Variants in RALYL observed in about 807,000 individuals in gnomAD.
RALYL encodes the protein RNA-binding Raly-like protein.
In RALYL, 29 loss-of-function variants were observed where a neutral mutation model predicts 35.1. The observed-to-expected ratio is 0.83, with a 90% CI of 0.61 to 1.13. The LOEUF (loss-of-function observed/expected upper bound fraction) is 1.13, where lower values mean the gene tolerates loss of function less well. RALYL is among the 50% of genes most tolerant of loss of function. RALYL has a pLI of 0.00. For synonymous variants in RALYL, 120 were observed against 127.6 expected (o/e 0.94, Z 0.40); for missense variants, 359 against 360.4 (o/e 1.00, Z 0.03).
intron 2 of RALYL, among the ~76,000 whole-genome samples, chr8:84,731,138 A>G (rs1312887656): frequency 6.6e-6 from 1 of 152,138 alleles, no homozygotes; most frequent in Non-Finnish European, 1.5e-5. Context: ...AACTCTATGC[A>G]TTAGATACTA....
rs539872142 is a variant in RALYL, at chr8:84,521,755, T to A, written c.-23-7544T>A. ...TATTGACTTACCAATATCCATTGAT[T>A]TCCAATTTTGTAGTTAAAATAACCA... On this transcript the variant is annotated intron_variant, in intron 1 of 8. Transcript: ENST00000521268. Among the ~76,000 whole-genome samples, 22 of 152,336 alleles carry A rather than the reference T, an allele frequency of 1.4e-4. No homozygotes were observed. In the South Asian group the frequency reaches 3.9e-3, roughly 27 times the overall value.
chr8:84,768,433 T>C (rs1814624203), intron 2 of RALYL, among the ~76,000 whole-genome samples: 1 of 152,164 alleles, frequency 6.6e-6, no homozygotes, highest in Non-Finnish European at 1.5e-5. Flanking sequence ...TGTACCCTCC[T>C]CCATGGAATC....
chr8:84,833,497 G>A (rs1400267619), intron 4 of RALYL, among the ~76,000 whole-genome samples: 1 of 151,892 alleles, frequency 6.6e-6, no homozygotes, highest in African/African-American at 2.4e-5. Flanking sequence ...AATTAGCCAG[G>A]TGTAGTGGCA....
chr8:84,692,630 T>C (rs1838292587), intron 2 of RALYL, among the ~76,000 whole-genome samples: 1 of 152,038 alleles, frequency 6.6e-6, no homozygotes, highest in Non-Finnish European at 1.5e-5. Context: ...TTCAACTATT[T>C]CTGGTATTCA....
chr8:84,602,865 A>G (rs1322842938), intron 2 of RALYL, among the ~76,000 whole-genome samples: 7 of 152,070 alleles, frequency 4.6e-5, no homozygotes, highest in Non-Finnish European at 8.8e-5. Context: ...AAGAAAATAG[A>G]TTTCTGTCTT....
At position 84,701,920 on chromosome 8, in the gene RALYL, G is replaced by A. The variant is rs536027456; in HGVS notation, c.257-72659G>A. On this transcript the variant is annotated intron_variant, in intron 2 of 8. Transcript: ENST00000521268. ...CCCTTCACCTCACATGGCATGTTATGTTGAACTGTCTCTGGAGAAATATTA... is the reference window on the plus strand; with the variant it reads ...CCCTTCACCTCACATGGCATGTTATATTGAACTGTCTCTGGAGAAATATTA... 2.6e-5 allele frequency among the ~76,000 whole-genome samples: 4 copies of A among 152,204 alleles called. No homozygotes were observed. In the East Asian group the frequency reaches 5.8e-4, roughly 22 times the overall value.
chr8:84,300,085 C>G (rs1280161163), intron 1 of RALYL, among the ~76,000 whole-genome samples: 1 of 152,022 alleles, frequency 6.6e-6, no homozygotes, highest in African/African-American at 2.4e-5. Context: ...GTGCTATAAA[C>G]TTTCCTCTTA....
At chr8:84,255,661 C>T (rs1283218939) in intron 1 of RALYL, among the ~76,000 whole-genome samples, 1 of 151,972 alleles carries the variant, frequency 6.6e-6, no homozygotes, top group African/African-American at 2.4e-5. Context: ...GTTTATCTTT[C>T]TATTCATCAA....
At chr8:84,466,779 C>T (rs1452511819) in intron 1 of RALYL, among the ~76,000 whole-genome samples, 1 of 150,596 alleles carries the variant, frequency 6.6e-6, no homozygotes, top group Admixed American at 6.6e-5. Flanking sequence ...GTCCTGGACT[C>T]TTTTGGTTGG....
chr8:84,840,205 A>G (rs1832915356), intron 4 of RALYL, among the ~76,000 whole-genome samples: 1 of 133,368 alleles, frequency 7.5e-6, no homozygotes. Flanking sequence ...ATGGCAAAGA[A>G]GTAAAAAACC....
rs1443074996 is a variant in RALYL at position 84,617,434 on chromosome 8, A to C, written c.256+87857A>C. 3.2e-4 allele frequency among the ~76,000 whole-genome samples: 47 copies of C among 147,726 alleles called. 1 individual carries two copies. Among genetic ancestry groups the C allele is most frequent in the Middle Eastern group, 6.9e-3 (2 of 288 alleles). ...ATAAGAATGCTTGTGATTTTTGTAC[A>C]CTGATTTTGTATCCTGAGACTTTGC... On this transcript the variant is annotated intron_variant, in intron 2 of 8. Transcript: ENST00000521268.
intron 1 of RALYL, among the ~76,000 whole-genome samples, chr8:84,403,522 C>CTT (rs2043136000): frequency 4.4e-4 from 23 of 52,142 alleles, no homozygotes; most frequent in African/African-American, 1.2e-3. Flanking sequence ...GTCTATATCT[C>CTT]TGTTTTTTTT....
intron 1 of RALYL, among the ~76,000 whole-genome samples, chr8:84,525,330 GT>G (rs2058797221): frequency 6.6e-6 from 1 of 151,970 alleles, no homozygotes; most frequent in South Asian, 2.1e-4. Context: ...TTGTTTTTTA[GT>G]TGTAACATTT....
chr8:84,485,285 C>A (rs373917080), intron 1 of RALYL, among the ~76,000 whole-genome samples: 1 of 152,084 alleles, frequency 6.6e-6, no homozygotes. Context: ...ACTCAATATG[C>A]CCAGTTTTAA....
At chr8:84,318,231 T>A (rs951148667) in intron 1 of RALYL, among the ~76,000 whole-genome samples, 1 of 152,198 alleles carries the variant, frequency 6.6e-6, no homozygotes, top group East Asian at 1.9e-4. Flanking sequence ...ACAAGCTGCA[T>A]GCCTGTGAGG....
chr8:84,218,659 T>C (rs1821431425), intron 1 of RALYL, among the ~76,000 whole-genome samples: 1 of 152,026 alleles, frequency 6.6e-6, no homozygotes, highest in African/African-American at 2.4e-5. Context: ...CCAACACTGA[T>C]TGGAATTAGG....
intron 2 of RALYL, among the ~76,000 whole-genome samples, chr8:84,727,843 T>C (rs1176822117): frequency 2.0e-5 from 3 of 152,088 alleles, no homozygotes; most frequent in Non-Finnish European, 2.9e-5. Flanking sequence ...ATGGTGTATA[T>C]GTGCCACATT....
chr8:84,738,013 A>G (rs1237317590), intron 2 of RALYL, among the ~76,000 whole-genome samples: 1 of 152,046 alleles, frequency 6.6e-6, no homozygotes, highest in Non-Finnish European at 1.5e-5. Flanking sequence ...ACATTGTACT[A>G]GGTGTTGGTG....
chr8:84,538,259 A>G (rs1345334850), intron 2 of RALYL, among the ~76,000 whole-genome samples: 1 of 152,182 alleles, frequency 6.6e-6, no homozygotes, highest in East Asian at 1.9e-4. Context: ...AGAGACTGTA[A>G]ATAATTTTTT....
Sources: allele counts gnomAD v4.1 joint callset (sites outside exome capture counted in the v4.1 genomes callset), GRCh38; gene constraint gnomAD v4.1.1; transcripts MANE v1.5; gene names NCBI Gene and HGNC (gene_info 2026-07-23, HGNC 2026-07-21).